NLGN1: variants seen among roughly 807,000 people sequenced by gnomAD.
The protein encoded by NLGN1 is neuroligin-1.
In NLGN1, 12 loss-of-function variants were observed where a neutral mutation model predicts 65.5. That is an observed-to-expected ratio of 0.18 (90% CI 0.12 to 0.30). The LOEUF is 0.30. Among genes scored for constraint, NLGN1 ranks in the 10% least tolerant of loss-of-function variants. NLGN1 has a pLI of 1.00. For missense variants in NLGN1, 750 were observed against 1,007.1 expected (o/e 0.74, Z 3.46); for synonymous variants, 350 against 359.5 (o/e 0.97, Z 0.30).
intron 2 of NLGN1, among the ~76,000 whole-genome samples, chr3:173,515,035 G>T (rs1011503895): frequency 1.3e-5 from 2 of 152,146 alleles, no homozygotes; most frequent in African/African-American, 4.8e-5. Context: ...TGGGATTGCT[G>T]AATTATATGG....
downstream of NLGN1, among the ~76,000 whole-genome samples, chr3:174,287,597 G>A (rs1262028410): frequency 6.6e-6 from 1 of 151,502 alleles, no homozygotes; most frequent in Admixed American, 6.6e-5. Flanking sequence ...GAATGTTCAT[G>A]TGAAAGCAGT....
rs535497397 is a variant in NLGN1 at position 173,811,030 on chromosome 3, T to A, written c.646+3198T>A. 2.3e-3 allele frequency among the ~76,000 whole-genome samples: 357 copies of A among 152,344 alleles called. 3 individuals carry two copies. Among genetic ancestry groups the A allele is most frequent in the African/African-American group, 8.1e-3 (338 of 41,582 alleles). On this transcript the variant is annotated intron_variant, in intron 4 of 6. Coordinates refer to ENST00000457714, the Ensembl canonical transcript of NLGN1. ...CTCCCCAGTTTCATGTTAGAGCTCC[T>A]GGCGACCTCCTGCCATTTAGTTTCA...
At chr3:173,598,778 C>A (rs1749945836) in intron 2 of NLGN1, among the ~76,000 whole-genome samples, 1 of 152,136 alleles carries the variant, frequency 6.6e-6, no homozygotes, top group Non-Finnish European at 1.5e-5. Flanking sequence ...GAAGGTTTGT[C>A]TACAAGAAGT....
At chr3:173,854,839 C>T (rs1727648687) in intron 4 of NLGN1, among the ~76,000 whole-genome samples, 2 of 152,092 alleles carry the variant, frequency 1.3e-5, no homozygotes, top group South Asian at 2.1e-4. Context: ...GGTGAACTTA[C>T]ATCTCTCATT....
At chr3:173,592,386 C>CT (rs1259011792) in intron 2 of NLGN1, among the ~76,000 whole-genome samples, 1 of 152,134 alleles carries the variant, frequency 6.6e-6, no homozygotes, top group East Asian at 1.9e-4. Flanking sequence ...TCACCTTAAT[C>CT]TTTTTCTCTT....
At chr3:173,715,707 C>T (rs1308543164) in intron 3 of NLGN1, among the ~76,000 whole-genome samples, 2 of 152,076 alleles carry the variant, frequency 1.3e-5, no homozygotes, top group Non-Finnish European at 2.9e-5. Context: ...TAAATAGCAT[C>T]AATTTTTAAG....
intron 4 of NLGN1, among the ~76,000 whole-genome samples, chr3:174,262,852 T>C (rs2152861513): frequency 1.0e-5 from 1 of 99,534 alleles, no homozygotes; most frequent in Non-Finnish European, 2.0e-5. Flanking sequence ...ACACACTGCT[T>C]TGAATGCGTC....
At chr3:173,460,387 T>A (rs897537549) in intron 2 of NLGN1, among the ~76,000 whole-genome samples, 1 of 152,132 alleles carries the variant, frequency 6.6e-6, no homozygotes, top group Non-Finnish European at 1.5e-5. Flanking sequence ...TACAAAATTA[T>A]AAAAAGCTGG....
exon 7 of NLGN1, chr3:174,285,426 T>C (rs1205345369): frequency 6.6e-6 from 1 of 151,514 alleles, no homozygotes; most frequent in Non-Finnish European, 1.5e-5. Context: ...TGCTGAGATT[T>C]TGTTATCATT....
At chr3:173,594,435 C>G (rs1211645129) in intron 2 of NLGN1, among the ~76,000 whole-genome samples, 1 of 152,210 alleles carries the variant, frequency 6.6e-6, no homozygotes, top group Non-Finnish European at 1.5e-5. Context: ...CACACTGATG[C>G]AAGGGGTGGG....
At chr3:174,260,213 C>G (rs1220122809) in intron 4 of NLGN1, among the ~76,000 whole-genome samples, 25 of 150,516 alleles carry the variant, frequency 1.7e-4, no homozygotes, top group Non-Finnish European at 3.1e-4. Context: ...AATGGGATGG[C>G]TGGGTCAAAT....
rs140686272 is a variant in NLGN1 at position 174,045,403 on chromosome 3, G to A, written c.647-229912G>A. 8.5e-5 allele frequency among the ~76,000 whole-genome samples: 13 copies of A among 152,138 alleles called. No homozygotes were observed. In the East Asian group the frequency reaches 1.6e-3, roughly 18 times the overall value. On this transcript the variant is annotated intron_variant, in intron 4 of 6. Transcript: ENST00000457714. ...CCCTCATAAAACCATCAGATCTTGC[G>A]AGAACTCACTTACTATCGTGAGAAC...
chr3:174,267,595 C>T (rs758982326), intron 4 of NLGN1, among the ~76,000 whole-genome samples: 1 of 152,060 alleles, frequency 6.6e-6, no homozygotes, highest in Non-Finnish European at 1.5e-5. Flanking sequence ...TATCTCATCT[C>T]GGATAAGCCC....
intron 3 of NLGN1, among the ~76,000 whole-genome samples, chr3:173,619,588 C>A (rs1753664516): frequency 6.6e-6 from 1 of 152,144 alleles, no homozygotes; most frequent in Admixed American, 6.5e-5. Context: ...TTAATCTTCA[C>A]AATAAACTTA....
intron 4 of NLGN1, among the ~76,000 whole-genome samples, chr3:174,265,773 A>ATGTG (rs1408847266): frequency 1.5e-4 from 18 of 120,264 alleles, no homozygotes; most frequent in African/African-American, 6.1e-4. Context: ...CTATATATAT[A>ATGTG]TATATATATG....
intron 3 of NLGN1, among the ~76,000 whole-genome samples, chr3:173,627,942 G>T (rs1755070131): frequency 1.3e-5 from 2 of 150,676 alleles, no homozygotes; most frequent in East Asian, 1.9e-4. Flanking sequence ...GGCTTATATT[G>T]ATTTTATACC....
intron 1 of NLGN1, among the ~76,000 whole-genome samples, chr3:173,420,949 C>T (rs886555537): frequency 3.3e-5 from 5 of 152,076 alleles, no homozygotes; most frequent in African/African-American, 1.2e-4. Flanking sequence ...TTGTATATTT[C>T]TAATACTTTT....
intron 4 of NLGN1, among the ~76,000 whole-genome samples, chr3:174,001,115 AC>A (rs1420827026): frequency 6.6e-6 from 1 of 152,198 alleles, no homozygotes; most frequent in Non-Finnish European, 1.5e-5. Flanking sequence ...TTTTGAAAAA[AC>A]ATTCTAAAAT....
intron 4 of NLGN1, among the ~76,000 whole-genome samples, chr3:174,066,261 G>A (rs1738525629): frequency 6.6e-6 from 1 of 151,404 alleles, no homozygotes; most frequent in African/African-American, 2.4e-5. Context: ...CCCTCATTTA[G>A]AAGAGATAAT....
Sources: gnomAD v4.1 joint callset for allele counts (sites outside exome capture counted in the v4.1 genomes callset) on GRCh38, gnomAD v4.1.1 for gene constraint, MANE v1.5 for transcripts, NCBI Gene and HGNC (gene_info 2026-07-23, HGNC 2026-07-21) for gene names.